Variants in TXLNB observed in about 807,000 individuals in gnomAD.
TXLNB encodes beta-taxilin.
TXLNB carries 37 observed loss-of-function variants against 57.4 expected under a neutral mutation model. That is an observed-to-expected ratio of 0.64 (90% CI 0.50 to 0.85). The LOEUF is 0.85. TXLNB is among the 40% of genes least tolerant of loss of function. TXLNB has a pLI of 0.00. For missense variants in TXLNB, 848 were observed against 825.6 expected (o/e 1.03, Z -0.33); for synonymous variants, 302 against 309.6 (o/e 0.98, Z 0.26).
At chr6:139,224,357 T>G in the TXLNB span, among the ~76,000 whole-genome samples, 1 of 148,780 alleles carries the variant, frequency 6.7e-6, no homozygotes. Flanking sequence ...AGATGACGAG[T>G]TAGTGGGTGC....
chr6:139,320,383 G>A, the TXLNB span, among the ~76,000 whole-genome samples: 2 of 152,112 alleles, frequency 1.3e-5, no homozygotes, highest in Non-Finnish European at 2.9e-5. Context: ...AAATCAGTGA[G>A]ACAATTGCCT....
At chr6:139,220,487 G>C in the TXLNB span, among the ~76,000 whole-genome samples, 1 of 152,200 alleles carries the variant, frequency 6.6e-6, no homozygotes, top group Non-Finnish European at 1.5e-5. Flanking sequence ...AGGGAGGCAG[G>C]AGTGAGGTAG....
chr6:139,312,288 T>TA, the TXLNB span, among the ~76,000 whole-genome samples: 1,809 of 152,048 alleles, frequency 0.012, 33 homozygotes, highest in African/African-American at 0.041. Flanking sequence ...TGAGGAAAGG[T>TA]AAAAAAAATC....
At chr6:139,193,840 A>ATATATATATT in the TXLNB span, among the ~76,000 whole-genome samples, 1 of 85,232 alleles carries the variant, frequency 1.2e-5, no homozygotes, top group African/African-American at 5.0e-5. Context: ...ATATATATAT[A>ATATATATATT]TTTTTTTTTT....
At chr6:139,166,414 C>T in the TXLNB span, 3 of 1,614,208 alleles carry the variant, frequency 1.9e-6, no homozygotes, top group African/African-American at 4.0e-5. Context: ...TGCAGTGCTT[C>T]TACGAGTGGG....
chr6:139,173,778 C>T, the TXLNB span, among the ~76,000 whole-genome samples: 5 of 152,098 alleles, frequency 3.3e-5, no homozygotes, highest in East Asian at 1.9e-4. Context: ...TTTAAGAGCT[C>T]GGTGAATAAT....
At chr6:139,233,010 T>C in the TXLNB span, among the ~76,000 whole-genome samples, 1 of 152,164 alleles carries the variant, frequency 6.6e-6, no homozygotes, top group Non-Finnish European at 1.5e-5. Flanking sequence ...GGTATTTGTA[T>C]TTACATAGTC....
At chr6:139,204,644 T>C in the TXLNB span, among the ~76,000 whole-genome samples, 1 of 152,092 alleles carries the variant, frequency 6.6e-6, no homozygotes, top group East Asian at 1.9e-4. Context: ...GCACCTGGCA[T>C]TGTGGGCAGA....
At chr6:139,321,233 T>C in the TXLNB span, among the ~76,000 whole-genome samples, 9 of 152,152 alleles carry the variant, frequency 5.9e-5, no homozygotes, top group African/African-American at 2.2e-4. Context: ...CCCAAGATGA[T>C]GGCATTAGGA....
the TXLNB span, among the ~76,000 whole-genome samples, chr6:139,227,344 A>C: frequency 1.3e-5 from 2 of 151,798 alleles, no homozygotes; most frequent in Non-Finnish European, 2.9e-5. Context: ...TCTCAAAAAC[A>C]AAACAAAACA....
intron 2 of TXLNB, among the ~76,000 whole-genome samples, chr6:139,287,547 C>T (rs1373217360): frequency 6.6e-6 from 1 of 152,122 alleles, no homozygotes; most frequent in African/African-American, 2.4e-5. Flanking sequence ...ATAGATTCTC[C>T]ATCTAGCATG....
intron 3 of TXLNB, among the ~76,000 whole-genome samples, chr6:139,275,676 G>T (rs1776877644): frequency 6.6e-6 from 1 of 152,170 alleles, no homozygotes; most frequent in Admixed American, 6.6e-5. Context: ...AAAGATTACA[G>T]GACTAGATTC....
the TXLNB span, among the ~76,000 whole-genome samples, chr6:139,159,655 T>C: frequency 6.6e-6 from 1 of 152,168 alleles, no homozygotes; most frequent in South Asian, 2.1e-4. Flanking sequence ...CTCTCTCTAT[T>C]ACTGTGGTCA....
the TXLNB span, among the ~76,000 whole-genome samples, chr6:139,226,742 A>G: frequency 6.6e-6 from 1 of 152,122 alleles, no homozygotes; most frequent in Non-Finnish European, 1.5e-5. Flanking sequence ...TAAAACTACA[A>G]TGAGGGTCAG....
At chr6:139,205,223 G>C in the TXLNB span, among the ~76,000 whole-genome samples, 1 of 152,196 alleles carries the variant, frequency 6.6e-6, no homozygotes. Context: ...AGCCCTCTGG[G>C]TTCAAGCAAT....
At chr6:139,297,350 A>ATT in the TXLNB span, among the ~76,000 whole-genome samples, 1 of 152,232 alleles carries the variant, frequency 6.6e-6, no homozygotes, top group East Asian at 1.9e-4. Flanking sequence ...ATCCCTCCAA[A>ATT]TAAAAAGCAT....
upstream of TXLNB, among the ~76,000 whole-genome samples, chr6:139,293,049 G>C (rs1339307650): frequency 1.3e-5 from 2 of 152,154 alleles, no homozygotes; most frequent in African/African-American, 4.8e-5. Flanking sequence ...TCCTGAGGTA[G>C]GGAGGTTATC....
chr6:139,316,617 A>T, the TXLNB span, among the ~76,000 whole-genome samples: 1 of 152,206 alleles, frequency 6.6e-6, no homozygotes, highest in East Asian at 1.9e-4. Context: ...AGTCTTCCTT[A>T]CTGTGCTTTA....
chr6:139,205,885 A>G, the TXLNB span, among the ~76,000 whole-genome samples: 1 of 152,226 alleles, frequency 6.6e-6, no homozygotes, highest in Non-Finnish European at 1.5e-5. Context: ...CAGGTTATCT[A>G]AAGTCAAGAT....
Sources: gnomAD v4.1 joint callset for allele counts (sites outside exome capture counted in the v4.1 genomes callset) on GRCh38, gnomAD v4.1.1 for gene constraint, MANE v1.5 for transcripts, NCBI Gene and HGNC (gene_info 2026-07-23, HGNC 2026-07-21) for gene names.